The following KCNIP4 variants were observed in gnomAD, a reference collection of about 807,000 sequenced individuals.
KCNIP4 encodes the protein potassium voltage-gated channel interacting protein 4.
In KCNIP4, 12 loss-of-function variants were observed where a neutral mutation model predicts 34.0. That is an observed-to-expected ratio of 0.35 (90% CI 0.23 to 0.57). The LOEUF is 0.57. KCNIP4 is among the 20% of genes least tolerant of loss of function. KCNIP4 has a pLI of 0.83. For missense variants in KCNIP4, 238 were observed against 311.7 expected, an observed-to-expected ratio of 0.76 and a Z score of 1.78; for synonymous variants, 124 against 102.2, an observed-to-expected ratio of 1.21 and a Z score of -1.29.
chr4:21,300,018 G>C (rs1764069106), intron 1 of KCNIP4, among the ~76,000 whole-genome samples: 1 of 152,074 alleles, frequency 6.6e-6, no homozygotes, highest in Non-Finnish European at 1.5e-5. Context: ...TTTTATCAAA[G>C]ATAATTACCA....
At position 21,302,210 on chromosome 4, in the gene KCNIP4, G is replaced by A. The variant is rs182905257; in HGVS notation, c.62-419501C>T. Among the ~76,000 whole-genome samples, 10 of 152,216 alleles carry A rather than the reference G, an allele frequency of 6.6e-5. No homozygotes were observed. In the East Asian group the frequency reaches 1.5e-3, roughly 24 times the overall value. On this transcript the variant is annotated intron_variant, in intron 1 of 8. Transcript: ENST00000382152. Reference sequence around the variant, plus strand: ...TCATAGAGGTTAGCAGCTCTTAGAGGAAGGAAACACAAGTTCTCATTTGGG... The same window carrying A: ...TCATAGAGGTTAGCAGCTCTTAGAGAAAGGAAACACAAGTTCTCATTTGGG...
At chr4:21,477,113 C>T (rs924434191) in intron 1 of KCNIP4, among the ~76,000 whole-genome samples, 19 of 152,154 alleles carry the variant, frequency 1.2e-4, no homozygotes, top group African/African-American at 4.6e-4. Context: ...TGTTACAGTT[C>T]TGATCCATGG....
intron 1 of KCNIP4, among the ~76,000 whole-genome samples, chr4:21,946,356 T>C (rs1472055626): frequency 2.4e-4 from 37 of 152,172 alleles, no homozygotes; most frequent in South Asian, 2.1e-4. Flanking sequence ...TCCAGAGATA[T>C]ATATTCAAGG....
At position 20,734,851 on chromosome 4, in the gene KCNIP4, G is replaced by A. The variant is rs142431063; in HGVS notation, c.430-116C>T. The stretch of plus-strand genomic sequence containing the variant: ...CTGGATCTTGAACATTTAGCAAAAT[G>A]ATTGATGTGTTATTGGTTGTCTAGT... On this transcript the variant is annotated intron_variant, in intron 5 of 8. Transcript: ENST00000382152. 3.4e-3 allele frequency: 1,843 copies of A among 538,986 alleles called. 57 individuals carry two copies. The South Asian group carries it at 0.037, about 11-fold the overall frequency. 33.4% of individuals were successfully genotyped at this position (538,986 alleles called of 1,614,324 possible). A position where few individuals can be genotyped will look rare whatever the true frequency, so the allele number is the denominator to read the frequency against.
In KCNIP4 at chr4:21,025,647, G is replaced by A. The variant is rs544645438; in HGVS notation, c.62-142938C>T. On this transcript the variant is annotated intron_variant, in intron 1 of 8. Transcript: ENST00000382152. Reference sequence around the variant, plus strand: ...CGCCTCACTGCCAGCTCTGCCTCCCGGGTTCACGCCATTCTCCTGCCTCAG... The same window carrying A: ...CGCCTCACTGCCAGCTCTGCCTCCCAGGTTCACGCCATTCTCCTGCCTCAG... Among the ~76,000 whole-genome samples the A allele has an allele frequency of 4.0e-4, 51 of 127,650 alleles. 2 individuals are homozygous for A. The East Asian group carries it at 0.011, about 27-fold the overall frequency. 83.7% of individuals were successfully genotyped at this position (127,650 alleles called of 152,430 possible). A position where few individuals can be genotyped will look rare whatever the true frequency, so the allele number is the denominator to read the frequency against.
intron 3 of KCNIP4, among the ~76,000 whole-genome samples, chr4:20,798,132 T>C (rs138496437): frequency 1.1e-3 from 167 of 152,362 alleles, no homozygotes; most frequent in African/African-American, 3.7e-3. Context: ...ATGTCCCTTC[T>C]CTAATCGTTA....
At chr4:21,129,957 C>T (rs1403259210) in intron 1 of KCNIP4, among the ~76,000 whole-genome samples, 1 of 151,738 alleles carries the variant, frequency 6.6e-6, no homozygotes, top group African/African-American at 2.4e-5. Flanking sequence ...TCTTACATAC[C>T]ATCCTCCTAC....
chr4:20,812,041 T>C (rs983251320), intron 3 of KCNIP4, among the ~76,000 whole-genome samples: 6 of 152,192 alleles, frequency 3.9e-5, no homozygotes, highest in Non-Finnish European at 8.8e-5. Flanking sequence ...GTGTCTGGAC[T>C]CTACAGACTT....
chr4:21,027,151 A>C (rs1406604786), intron 1 of KCNIP4, among the ~76,000 whole-genome samples: 2 of 152,198 alleles, frequency 1.3e-5, no homozygotes, highest in Admixed American at 6.5e-5. Flanking sequence ...AATTAGACTA[A>C]GATGTCGGTA....
intron 1 of KCNIP4, 72 bp downstream of exon 1, chr4:21,948,499 G>A: frequency 5.3e-6 from 8 of 1,518,130 alleles, no homozygotes; most frequent in Non-Finnish European, 7.2e-6. Flanking sequence ...GGAAGGGAAG[G>A]GGCAGCCGTC....
chr4:21,479,362 A>G (rs975816648), intron 1 of KCNIP4, among the ~76,000 whole-genome samples: 1 of 152,224 alleles, frequency 6.6e-6, no homozygotes, highest in Admixed American at 6.5e-5. Context: ...TTATTTGCAT[A>G]ACTCTGTGGG....
At chr4:21,108,251 A>G (rs1306372137) in intron 1 of KCNIP4, among the ~76,000 whole-genome samples, 1 of 146,290 alleles carries the variant, frequency 6.8e-6, no homozygotes, top group Non-Finnish European at 1.5e-5. Context: ...TCAGACGTAG[A>G]TTTGGTCTTT....
At chr4:20,897,982 C>T (rs1726742805) in intron 1 of KCNIP4, among the ~76,000 whole-genome samples, 2 of 152,146 alleles carry the variant, frequency 1.3e-5, no homozygotes, top group African/African-American at 4.8e-5. Context: ...AAGATAGTAG[C>T]ATTCAAATCA....
intron 3 of KCNIP4, among the ~76,000 whole-genome samples, chr4:20,790,687 A>C (rs1339060714): frequency 1.3e-5 from 2 of 152,162 alleles, no homozygotes; most frequent in Non-Finnish European, 2.9e-5. Flanking sequence ...CCACTGGAAG[A>C]CCTTCTAGGG....
chr4:21,338,252 G>A (rs1716374214), intron 1 of KCNIP4, among the ~76,000 whole-genome samples: 1 of 118,956 alleles, frequency 8.4e-6, no homozygotes, highest in Non-Finnish European at 1.6e-5. Context: ...GCGACCAAGC[G>A]AGACTCCTTC....
intron 1 of KCNIP4, among the ~76,000 whole-genome samples, chr4:21,081,399 T>C (rs2109021092): frequency 6.6e-6 from 1 of 151,882 alleles, no homozygotes; most frequent in Admixed American, 6.6e-5. Context: ...ATCTCAAAAC[T>C]TTCATCATGG....
At chr4:21,058,907 G>A (rs1380888544) in intron 1 of KCNIP4, among the ~76,000 whole-genome samples, 1 of 152,068 alleles carries the variant, frequency 6.6e-6, no homozygotes, top group African/African-American at 2.4e-5. Context: ...ATCTTGAATT[G>A]TAGCTCCCAT....
chr4:21,478,493 G>A (rs1397389965), intron 1 of KCNIP4, among the ~76,000 whole-genome samples: 1 of 152,128 alleles, frequency 6.6e-6, no homozygotes, highest in African/African-American at 2.4e-5. Flanking sequence ...CAAATGTTTA[G>A]CATTAAGATG....
intron 1 of KCNIP4, among the ~76,000 whole-genome samples, chr4:21,743,174 C>G (rs985607029): frequency 6.6e-6 from 1 of 152,080 alleles, no homozygotes; most frequent in Admixed American, 6.6e-5. Flanking sequence ...CTTATTTTCT[C>G]ACAGGTCTGG....
Sources: allele counts gnomAD v4.1 joint callset (sites outside exome capture counted in the v4.1 genomes callset), GRCh38; gene constraint gnomAD v4.1.1; transcripts MANE v1.5; gene names NCBI Gene and HGNC (gene_info 2026-07-23, HGNC 2026-07-21).